GALNT10: variants seen among roughly 807,000 people sequenced by gnomAD.
The protein encoded by GALNT10 is GalNAc transferase 10.
In GALNT10, 41 loss-of-function variants were observed where a neutral mutation model predicts 75.0. The observed-to-expected ratio is 0.55, with a 90% CI of 0.43 to 0.71. The LOEUF (loss-of-function observed/expected upper bound fraction) is 0.71. GALNT10 is among the 30% of genes least tolerant of loss of function. The pLI is 0.00. For missense variants in GALNT10, 727 were observed against 818.5 expected (o/e 0.89, Z 1.36); for synonymous variants, 302 against 313.0 (o/e 0.96, Z 0.37).
chr5:154,254,935 C>T (rs894333961), intron 1 of GALNT10, among the ~76,000 whole-genome samples: 1 of 151,988 alleles, frequency 6.6e-6, no homozygotes, highest in Non-Finnish European at 1.5e-5. Context: ...TGCTTTTTTC[C>T]TTCAGAGATG....
chr5:154,397,665 T>C (rs1425943561), intron 7 of GALNT10, among the ~76,000 whole-genome samples: 2 of 152,364 alleles, frequency 1.3e-5, no homozygotes, highest in African/African-American at 4.8e-5. Context: ...AGTATAGTCT[T>C]TCCCCCAAAT....
intron 1 of GALNT10, among the ~76,000 whole-genome samples, chr5:154,216,555 C>T (rs1045302727): frequency 3.9e-5 from 6 of 152,118 alleles, no homozygotes; most frequent in African/African-American, 1.4e-4. Context: ...TCAGAACAAC[C>T]TCATTGTCCT....
At chr5:154,328,145 A>T (rs1409483493) in intron 3 of GALNT10, among the ~76,000 whole-genome samples, 3 of 152,182 alleles carry the variant, frequency 2.0e-5, no homozygotes, top group African/African-American at 7.2e-5. Flanking sequence ...CATGAGCTGT[A>T]TGCAGTACGT....
At chr5:154,251,028 A>G (rs1181981761) in intron 1 of GALNT10, among the ~76,000 whole-genome samples, 1 of 152,150 alleles carries the variant, frequency 6.6e-6, no homozygotes, top group Non-Finnish European at 1.5e-5. Flanking sequence ...TCTTGTCCCT[A>G]TCTTTTTTAG....
chr5:154,275,974 T>C (rs185139922), intron 1 of GALNT10, among the ~76,000 whole-genome samples: 2 of 152,378 alleles, frequency 1.3e-5, no homozygotes, highest in African/African-American at 2.4e-5. Context: ...GAAGATTTCA[T>C]TGCAGCTAGC....
At chr5:154,344,839 C>T (rs1047469242) in intron 4 of GALNT10, among the ~76,000 whole-genome samples, 2 of 152,192 alleles carry the variant, frequency 1.3e-5, no homozygotes, top group Non-Finnish European at 2.9e-5. Context: ...TGAGAATATA[C>T]ATTTAGGGAC....
At chr5:154,372,666 A>G (rs1394883405) in intron 4 of GALNT10, among the ~76,000 whole-genome samples, 2 of 151,858 alleles carry the variant, frequency 1.3e-5, no homozygotes, top group African/African-American at 4.8e-5. Context: ...AGCATGGAGC[A>G]TGTGCTCAGT....
chr5:154,218,514 T>C (rs1752919231), intron 1 of GALNT10, among the ~76,000 whole-genome samples: 1 of 152,164 alleles, frequency 6.6e-6, no homozygotes, highest in Non-Finnish European at 1.5e-5. Flanking sequence ...TTCAAAAAGG[T>C]ATGGCGATCA....
chr5:154,344,925 G>A (rs1184550808), intron 4 of GALNT10, among the ~76,000 whole-genome samples: 1 of 152,164 alleles, frequency 6.6e-6, no homozygotes, highest in Non-Finnish European at 1.5e-5. Flanking sequence ...GCCAGGCATA[G>A]CCCTGACAAG....
chr5:154,210,347 C>T (rs908750700), intron 1 of GALNT10, among the ~76,000 whole-genome samples: 1 of 151,814 alleles, frequency 6.6e-6, no homozygotes, highest in Non-Finnish European at 1.5e-5. Context: ...AGTGCATGCA[C>T]ACAGGCACAC....
chr5:154,380,328 T>G, intron 5 of GALNT10, 120 bp from the exon 6 acceptor site: 2 of 793,644 alleles, frequency 2.5e-6, no homozygotes, highest in South Asian at 3.3e-5. Context: ...TTCCCCTCCA[T>G]GGATTGTCAA....
intron 1 of GALNT10, among the ~76,000 whole-genome samples, chr5:154,210,584 A>G (rs774044865): frequency 2.0e-5 from 3 of 152,188 alleles, no homozygotes; most frequent in East Asian, 1.9e-4. Flanking sequence ...TATTTGATTA[A>G]CATGTCTCTC....
intron 3 of GALNT10, among the ~76,000 whole-genome samples, chr5:154,308,549 C>A (rs770419937): frequency 1.1e-4 from 17 of 152,190 alleles, no homozygotes; most frequent in Non-Finnish European, 2.4e-4. Flanking sequence ...TGTCGGAGAC[C>A]CTGAGAACTA....
chr5:154,391,340 C>T (rs191456320), intron 7 of GALNT10, among the ~76,000 whole-genome samples: 64 of 152,338 alleles, frequency 4.2e-4, no homozygotes, highest in Admixed American at 3.3e-3. Flanking sequence ...TCAACACGTA[C>T]CTTCAGGGCT....
intron 1 of GALNT10, among the ~76,000 whole-genome samples, chr5:154,256,684 T>A (rs540549401): frequency 6.6e-6 from 1 of 152,246 alleles, no homozygotes; most frequent in African/African-American, 2.4e-5. Flanking sequence ...TCACATATTC[T>A]TCAAACACTG....
chr5:154,385,114 C>T (rs1410051670), intron 6 of GALNT10, among the ~76,000 whole-genome samples: 3 of 152,286 alleles, frequency 2.0e-5, no homozygotes, highest in South Asian at 2.1e-4. Context: ...TGAGCTTGCA[C>T]TTCCAGGGAC....
At chr5:154,335,941 A>G (rs923025365) in intron 4 of GALNT10, among the ~76,000 whole-genome samples, 3 of 152,250 alleles carry the variant, frequency 2.0e-5, no homozygotes, top group African/African-American at 7.2e-5. Context: ...AGCATCATAC[A>G]GAGTAGTTTC....
intron 4 of GALNT10, among the ~76,000 whole-genome samples, chr5:154,371,877 T>C (rs1475486371): frequency 1.3e-5 from 2 of 152,124 alleles, no homozygotes; most frequent in Non-Finnish European, 2.9e-5. Flanking sequence ...TTACACAAGT[T>C]GAAGTTGTTA....
At chr5:154,256,051 G>A (rs1753603702) in intron 1 of GALNT10, among the ~76,000 whole-genome samples, 3 of 152,120 alleles carry the variant, frequency 2.0e-5, no homozygotes, top group Admixed American at 1.3e-4. Context: ...GGAGAAGCCT[G>A]GTTATGGCTC....
Sources: gnomAD v4.1 joint callset for allele counts (sites outside exome capture counted in the v4.1 genomes callset) on GRCh38, gnomAD v4.1.1 for gene constraint, MANE v1.5 for transcripts, NCBI Gene and HGNC (gene_info 2026-07-23, HGNC 2026-07-21) for gene names.